Variants in TNKS observed in about 807,000 individuals in gnomAD.
The protein encoded by TNKS is poly [ADP-ribose] polymerase tankyrase-1.
A neutral mutation model predicts 135.8 loss-of-function variants in TNKS; 72 were observed. That is an observed-to-expected ratio of 0.53 (90% CI 0.44 to 0.64). The LOEUF (loss-of-function observed/expected upper bound fraction) is 0.64. Ranked by LOEUF, TNKS falls within the 30% of genes least tolerant of loss-of-function variation. The probability of loss-of-function intolerance (pLI) is 0.00; values close to 1 mark genes in which losing one functional copy is unlikely to be tolerated. For synonymous variants in TNKS, 849 were observed against 649.3 expected (o/e 1.31, Z -4.68); for missense variants, 1,769 against 1,674.0 (o/e 1.06, Z -0.99).
At chr8:9,755,386 G>C (rs28582303) in intron 20 of TNKS, among the ~76,000 whole-genome samples, 3,398 of 152,048 alleles carry the variant, frequency 0.022, 117 homozygotes, top group African/African-American at 0.078. Context: ...GCCTTTTATT[G>C]ATCAATACAT....
At chr8:9,585,065 TA>T (rs528873072) in intron 2 of TNKS, among the ~76,000 whole-genome samples, 10 of 145,916 alleles carry the variant, frequency 6.9e-5, no homozygotes, top group East Asian at 2.0e-4. Context: ...AATACCTGAA[TA>T]AAAAAAAAAT....
chr8:9,695,259 A>T (rs1031078908), intron 5 of TNKS, among the ~76,000 whole-genome samples: 7 of 152,234 alleles, frequency 4.6e-5, no homozygotes, highest in Non-Finnish European at 8.8e-5. Context: ...TTTAATTCTA[A>T]TATTAATCCT....
At chr8:9,699,052 T>G (rs1314677096) in intron 5 of TNKS, among the ~76,000 whole-genome samples, 1 of 152,240 alleles carries the variant, frequency 6.6e-6, no homozygotes, top group Admixed American at 6.5e-5. Flanking sequence ...AAACGTCTGT[T>G]TTTAGAATAA....
chr8:9,767,978 A>G (rs1364492749), intron 25 of TNKS, among the ~76,000 whole-genome samples: 4 of 150,116 alleles, frequency 2.7e-5, no homozygotes, highest in African/African-American at 9.8e-5. Flanking sequence ...AAAAAAAAAG[A>G]ATACAGAGAA....
chr8:9,665,083 C>A (rs1457968175), intron 3 of TNKS, among the ~76,000 whole-genome samples: 2 of 152,302 alleles, frequency 1.3e-5, no homozygotes, highest in Admixed American at 1.3e-4. Context: ...CTATACTCAC[C>A]ACCTACTATC....
rs552981830 is a variant in TNKS, at chr8:9,762,380, A to C, written c.3274+744A>C. On this transcript the variant is annotated intron_variant, in intron 21 of 26. Transcript: ENST00000310430. ...TATCTGTATTTTAGTTCATCCATGA[A>C]ACTAACAAAGATAATGTGTTTTAAA... Among the ~76,000 whole-genome samples the C allele has an allele frequency of 3.3e-5, 5 of 152,344 alleles. No homozygotes were observed. In the East Asian group the frequency reaches 5.8e-4, roughly 18 times the overall value.
intron 1 of TNKS, chr8:9,575,479 A>G: frequency 2.1e-6 from 2 of 942,550 alleles, no homozygotes; most frequent in Non-Finnish European, 2.5e-6. Flanking sequence ...CCAACCAAAA[A>G]GAAAAGATAA....
intron 3 of TNKS, among the ~76,000 whole-genome samples, chr8:9,660,468 G>C (rs139201103): frequency 0.15 from 22,764 of 152,110 alleles, 1,915 homozygotes; most frequent in Admixed American, 0.24. Context: ...AGCATGTAAA[G>C]AGAACCAAAG....
chr8:9,556,693 G>T, intron 1 of TNKS, 81 bp downstream of exon 1: 1 of 1,531,256 alleles, frequency 6.5e-7, no homozygotes, highest in Non-Finnish European at 8.9e-7. Flanking sequence ...AGGTTATTGT[G>T]ATGGGACAAA....
At chr8:9,698,886 A>T (rs186234800) in intron 5 of TNKS, among the ~76,000 whole-genome samples, 1 of 152,234 alleles carries the variant, frequency 6.6e-6, no homozygotes, top group Non-Finnish European at 1.5e-5. Context: ...AATTTATAGG[A>T]CTTCCTTAAG....
At chr8:9,676,628 T>G (rs1802548120) in intron 3 of TNKS, among the ~76,000 whole-genome samples, 1 of 152,130 alleles carries the variant, frequency 6.6e-6, no homozygotes, top group South Asian at 2.1e-4. Context: ...TTTTCAGCTT[T>G]GTTTTAATAA....
At chr8:9,603,619 A>G (rs1401363405) in intron 2 of TNKS, among the ~76,000 whole-genome samples, 2 of 152,216 alleles carry the variant, frequency 1.3e-5, no homozygotes, top group Non-Finnish European at 2.9e-5. Flanking sequence ...CTATTTTAGA[A>G]GAGCTTTATG....
chr8:9,657,302 AC>A (rs1415002185), intron 3 of TNKS, among the ~76,000 whole-genome samples: 2 of 53,154 alleles, frequency 3.8e-5, no homozygotes, highest in Non-Finnish European at 8.2e-5. Flanking sequence ...CGGGGGGCCG[AC>A]CCCCCCACCT....
chr8:9,571,452 G>C (rs1797754554), intron 1 of TNKS, among the ~76,000 whole-genome samples: 1 of 152,100 alleles, frequency 6.6e-6, no homozygotes, highest in South Asian at 2.1e-4. Flanking sequence ...AAAGTTAGTT[G>C]ATTCCACGTT....
chr8:9,735,308 T>G, intron 16 of TNKS, 69 bp from the exon 17 acceptor site: 1 of 1,411,116 alleles, frequency 7.1e-7, no homozygotes, highest in South Asian at 1.2e-5. Flanking sequence ...TTCTGGTCCT[T>G]ATTACATATG....
Position 9,704,755 on chromosome 8 carries a change from A to G in TNKS, c.1200A>G (p.Lys400=), listed in dbSNP as rs563959401. 11 of 1,612,038 alleles carry G rather than the reference A, an allele frequency of 6.8e-6. No individual in the cohort carries two copies. In the South Asian group the frequency reaches 1.2e-4, roughly 18 times the overall value. ...QHGADVHAKD[K]GGLVPLHNAC... ...GTGCTGATGTTCATGCAAAAGACAA[A>G]GGGTAGGTCTATCAGTTTACTTCCT... The change falls in exon 6 of 27, where the codon AAA becomes AAG. Residue 400 remains lysine (K), a splice_region_variant and synonymous_variant. Transcript: ENST00000310430.
At chr8:9,593,521 A>C (rs888686971) in intron 2 of TNKS, among the ~76,000 whole-genome samples, 7 of 152,350 alleles carry the variant, frequency 4.6e-5, no homozygotes, top group African/African-American at 1.4e-4. Context: ...TATCATATTT[A>C]GCAAACTTAA....
chr8:9,601,734 A>C (rs910673625), intron 2 of TNKS, among the ~76,000 whole-genome samples: 1 of 152,174 alleles, frequency 6.6e-6, no homozygotes, highest in African/African-American at 2.4e-5. Context: ...GTCAGTACTC[A>C]AAGATATATT....
intron 20 of TNKS, among the ~76,000 whole-genome samples, chr8:9,755,617 A>G (rs879554302): frequency 1.3e-5 from 2 of 152,220 alleles, no homozygotes; most frequent in African/African-American, 4.8e-5. Flanking sequence ...TTAACATTCT[A>G]TATCAGTAAT....
Sources: gnomAD v4.1 joint callset for allele counts (sites outside exome capture counted in the v4.1 genomes callset) on GRCh38, gnomAD v4.1.1 for gene constraint, MANE v1.5 for transcripts, NCBI Gene and HGNC (gene_info 2026-07-23, HGNC 2026-07-21) for gene names.